The following CORO2B variants were observed in gnomAD, a reference collection of about 807,000 sequenced individuals.
The protein encoded by CORO2B is coronin-2B.
A neutral mutation model predicts 58.8 loss-of-function variants in CORO2B; 26 were observed. The observed-to-expected ratio is 0.44, with a 90% CI of 0.32 to 0.61. CORO2B has a LOEUF of 0.61. Ranked by LOEUF, CORO2B falls within the 20% of genes least tolerant of loss-of-function variation. The probability of loss-of-function intolerance (pLI) is 0.04; values close to 1 mark genes in which losing one functional copy is unlikely to be tolerated. For missense variants in CORO2B, 460 were observed against 645.1 expected, an observed-to-expected ratio of 0.71 and a Z score of 3.11; for synonymous variants, 242 against 253.8, an observed-to-expected ratio of 0.95 and a Z score of 0.44.
chr15:68,650,374 A>ATTGGAGAC (rs1566995963), intron 2 of CORO2B, among the ~76,000 whole-genome samples: 3 of 18,362 alleles, frequency 1.6e-4, no homozygotes, highest in African/African-American at 2.9e-4. Flanking sequence ...AAAAAAAAAA[A>ATTGGAGAC]AAAAAAAAAA....
At chr15:68,553,092 G>A in the CORO2B span, among the ~76,000 whole-genome samples, 2 of 152,218 alleles carry the variant, frequency 1.3e-5, no homozygotes, top group African/African-American at 4.8e-5. Flanking sequence ...GGAGTGAGAC[G>A]AGTCAAAGGA....
At chr15:68,534,420 T>C in the CORO2B span, among the ~76,000 whole-genome samples, 1 of 152,256 alleles carries the variant, frequency 6.6e-6, no homozygotes. Flanking sequence ...AATTTTGCCC[T>C]AAACATCTTC....
chr15:68,578,071 T>C (rs749375300), upstream of CORO2B, among the ~76,000 whole-genome samples: 4 of 152,166 alleles, frequency 2.6e-5, no homozygotes, highest in Non-Finnish European at 5.9e-5. This position sits in a 1 kb window ranked among gnomAD's most constrained non-coding sequence, Gnocchi z 4.2. Context: ...GCTCAGGTGC[T>C]TGGGAGGGAG....
intron 2 of CORO2B, among the ~76,000 whole-genome samples, chr15:68,690,152 T>C (rs1892322004): frequency 6.6e-6 from 1 of 152,268 alleles, no homozygotes; most frequent in Admixed American, 6.5e-5. Context: ...GAGCCTCTTC[T>C]ATCTCTGTAT....
chr15:68,630,081 G>A lies in CORO2B; in HGVS notation c.16-15079G>A, dbSNP rs565598378. On this transcript the variant is annotated intron_variant, in intron 1 of 11. Coordinates refer to ENST00000261861, the MANE Select transcript of CORO2B (RefSeq NM_006091.5). ...GTTTGCTCAGTGCCCACCAGGCACC[G>A]TGCCAGATGTTCTGCATCCATTACC... Among the ~76,000 whole-genome samples, 267 of 152,330 alleles carry A rather than the reference G, an allele frequency of 1.8e-3. 4 individuals are homozygous for A. The South Asian group carries it at 0.026, about 15-fold the overall frequency.
rs202023672 is a variant in CORO2B at position 68,598,691 on chromosome 15, A to G, written c.15+19414A>G. Among the ~76,000 whole-genome samples the G allele has an allele frequency of 6.6e-5, 10 of 152,270 alleles. No individual in the cohort carries two copies. In the East Asian group the frequency reaches 1.9e-3, roughly 29 times the overall value. ...ACTTTGGAGTTTTAATTCTACCGCA[A>G]ACCTAGCTCTCCTCTGTGCCTTCCC... On this transcript the variant is annotated intron_variant, in intron 1 of 11. Transcript: ENST00000261861.
chr15:68,560,296 A>ATT, the CORO2B span, among the ~76,000 whole-genome samples: 3 of 125,332 alleles, frequency 2.4e-5, no homozygotes, highest in African/African-American at 6.3e-5. Context: ...TTCTTTCTTT[A>ATT]TTTTTTTTTT....
In CORO2B at chr15:68,726,252, C is replaced by T. The variant is rs1447425546; in HGVS notation, c.*278C>T. 1 of 400,750 alleles carries T rather than the reference C, an allele frequency of 2.5e-6. No individual in the cohort carries two copies. Among genetic ancestry groups the T allele is most frequent in the Non-Finnish European group, 4.5e-6 (1 of 222,822 alleles). The allele number at this position is 400,750 out of a possible 1,614,324, so 24.8% of individuals were successfully genotyped here. Reference sequence around the variant, plus strand: ...TCAGCTGGGTGAAGACTACAGACTCCCTGGGGTTGGCAGGGGCTCCATCTC... The same window carrying T: ...TCAGCTGGGTGAAGACTACAGACTCTCTGGGGTTGGCAGGGGCTCCATCTC... On this transcript the variant is annotated 3_prime_UTR_variant, in exon 12 of 12. Transcript: ENST00000261861.
the CORO2B span, among the ~76,000 whole-genome samples, chr15:68,561,697 T>C: frequency 6.6e-6 from 1 of 152,198 alleles, no homozygotes; most frequent in African/African-American, 2.4e-5. Flanking sequence ...GTTGTGACTG[T>C]GCTCTGTCTG....
chr15:68,717,738 AC>A (rs909101053), intron 8 of CORO2B, among the ~76,000 whole-genome samples: 16 of 152,226 alleles, frequency 1.1e-4, no homozygotes, highest in African/African-American at 3.9e-4. Context: ...CATTTGGGAA[AC>A]CATTTCACCC....
chr15:68,531,552 G>GA, the CORO2B span, among the ~76,000 whole-genome samples: 4,576 of 68,348 alleles, frequency 0.067, 102 homozygotes, highest in Middle Eastern at 0.14. Flanking sequence ...AGGAAGGAAG[G>GA]AAGGAAAGAA....
chr15:68,717,959 C>G (rs1163149219), intron 8 of CORO2B, among the ~76,000 whole-genome samples: 1 of 152,162 alleles, frequency 6.6e-6, no homozygotes, highest in Non-Finnish European at 1.5e-5. Flanking sequence ...TCGAACCAGC[C>G]AAGGAACTGG....
chr15:68,634,322 G>A (rs371503400), intron 1 of CORO2B, among the ~76,000 whole-genome samples: 8 of 152,174 alleles, frequency 5.3e-5, no homozygotes, highest in African/African-American at 1.9e-4. Context: ...TTACTCACTC[G>A]CTGGCCGGCA....
chr15:68,645,451 T>A lies in CORO2B; in HGVS notation c.216+91T>A. The A allele has an allele frequency of 8.1e-7, 1 of 1,231,344 alleles. No individual in the cohort carries two copies. Among genetic ancestry groups the A allele is most frequent in the Non-Finnish European group, 1.1e-6 (1 of 883,864 alleles). 76.3% of individuals were successfully genotyped at this position (1,231,344 alleles called of 1,614,324 possible). On this transcript the variant is annotated intron_variant, in intron 2 of 11. Coordinates refer to ENST00000261861, the MANE Select transcript of CORO2B (RefSeq NM_006091.5). This position sits in a 1 kb window ranked among gnomAD's most constrained non-coding sequence, Gnocchi z 4.5. ...CTTAGGCCTGTTGACCCTACTTCTC[T>A]CTGAGTTCCCACCTTTTACTTCCTC...
At chr15:68,523,624 T>A in the CORO2B span, among the ~76,000 whole-genome samples, 1 of 152,212 alleles carries the variant, frequency 6.6e-6, no homozygotes, top group Non-Finnish European at 1.5e-5. Flanking sequence ...ATGCTAACTG[T>A]CAGGTTTAGT....
At chr15:68,545,909 G>A in the CORO2B span, among the ~76,000 whole-genome samples, 10 of 152,294 alleles carry the variant, frequency 6.6e-5, no homozygotes, top group African/African-American at 2.2e-4. Flanking sequence ...GACTGTCAAG[G>A]CCAATGGCAC....
chr15:68,688,181 G>A (rs540535029), intron 2 of CORO2B, among the ~76,000 whole-genome samples: 1 of 152,324 alleles, frequency 6.6e-6, no homozygotes, highest in South Asian at 2.1e-4. Flanking sequence ...AAGGCTATGG[G>A]AGGTGTGTTT....
At chr15:68,633,827 T>C (rs1249673920) in intron 1 of CORO2B, among the ~76,000 whole-genome samples, 1 of 152,198 alleles carries the variant, frequency 6.6e-6, no homozygotes, top group Non-Finnish European at 1.5e-5. Context: ...TGTAGATAGA[T>C]TATCTCTTGG....
Position 68,669,358 on chromosome 15 carries a change from C to A in CORO2B, c.216+23998C>A, listed in dbSNP as rs867084284. Among the ~76,000 whole-genome samples the A allele has an allele frequency of 3.3e-5, 5 of 152,196 alleles. No individual in the cohort carries two copies. In the South Asian group the frequency reaches 1.0e-3, roughly 32 times the overall value. ...TGAAATCCACACGGGCATCTTGGCA[C>A]CTCTGCAGTTGGGCAGATTCCCTAA... On this transcript the variant is annotated intron_variant, in intron 2 of 11. Coordinates refer to ENST00000261861, the MANE Select transcript of CORO2B (RefSeq NM_006091.5).
Sources: gnomAD v4.1 joint callset for allele counts (sites outside exome capture counted in the v4.1 genomes callset) on GRCh38, gnomAD v4.1.1 for gene constraint, Gnocchi (gnomAD v3.1) non-coding constraint, MANE v1.5 for transcripts, NCBI Gene and HGNC (gene_info 2026-07-23, HGNC 2026-07-21) for gene names.